The following PCDH9 variants were observed in gnomAD, a reference collection of about 807,000 sequenced individuals.
The protein encoded by PCDH9 is protocadherin 9.
In PCDH9, 24 loss-of-function variants were observed where a neutral mutation model predicts 70.6. The observed-to-expected ratio is 0.34, with a 90% CI of 0.25 to 0.48. The LOEUF (loss-of-function observed/expected upper bound fraction) is 0.48. Among genes scored for constraint, PCDH9 ranks in the 20% least tolerant of loss-of-function variants. PCDH9 has a pLI of 0.99. For synonymous variants in PCDH9, 562 were observed against 558.5 expected, an observed-to-expected ratio of 1.01 and a Z score of -0.09; for missense variants, 1,281 against 1,503.6, an observed-to-expected ratio of 0.85 and a Z score of 2.45.
At chr13:66,734,417 A>T (rs1228145515) in intron 3 of PCDH9, among the ~76,000 whole-genome samples, 1 of 152,166 alleles carries the variant, frequency 6.6e-6, no homozygotes, top group Non-Finnish European at 1.5e-5. Context: ...AATAAACAGT[A>T]ATTGTGAGCT....
intron 4 of PCDH9, among the ~76,000 whole-genome samples, chr13:66,545,341 A>G (rs1961139685): frequency 6.6e-6 from 1 of 152,172 alleles, no homozygotes. Context: ...TTTATTCTCT[A>G]TTAAATAGAT....
chr13:66,892,975 A>G (rs1240950325), intron 3 of PCDH9, among the ~76,000 whole-genome samples: 1 of 152,142 alleles, frequency 6.6e-6, no homozygotes, highest in East Asian at 1.9e-4. Flanking sequence ...TGATTATAAT[A>G]TTAGAAAATC....
At chr13:67,039,089 A>C (rs550285622) in intron 2 of PCDH9, among the ~76,000 whole-genome samples, 1 of 152,332 alleles carries the variant, frequency 6.6e-6, no homozygotes, top group African/African-American at 2.4e-5. Flanking sequence ...GAACTTCTGC[A>C]TTGGCAAATG....
intron 3 of PCDH9, among the ~76,000 whole-genome samples, chr13:66,740,860 A>T (rs2079251974): frequency 7.3e-6 from 1 of 137,486 alleles, no homozygotes; most frequent in Non-Finnish European, 1.6e-5. Context: ...TAGTTTACCA[A>T]CCAAAAAGAG....
At chr13:66,362,414 T>C (rs1428843581) in intron 4 of PCDH9, among the ~76,000 whole-genome samples, 1 of 152,146 alleles carries the variant, frequency 6.6e-6, no homozygotes, top group African/African-American at 2.4e-5. Context: ...ATTCTCAAAG[T>C]CATTTTTATG....
At chr13:67,215,885 A>T (rs2138099016) in intron 2 of PCDH9, 1 of 152,274 alleles carries the variant, frequency 6.6e-6, no homozygotes, top group Admixed American at 6.5e-5. Context: ...TAAGTAAGAC[A>T]CAGTCTCTTA....
intron 2 of PCDH9, among the ~76,000 whole-genome samples, chr13:67,187,757 A>C (rs2088796804): frequency 6.6e-6 from 1 of 152,036 alleles, no homozygotes; most frequent in Admixed American, 6.6e-5. Context: ...GAATTTTTTT[A>C]ATGTTTAATT....
intron 4 of PCDH9, among the ~76,000 whole-genome samples, chr13:66,446,328 A>T (rs1407317791): frequency 2.0e-5 from 3 of 151,826 alleles, no homozygotes; most frequent in South Asian, 2.1e-4. Context: ...AGAAATGTTT[A>T]AAAAAAATGG....
intron 2 of PCDH9, among the ~76,000 whole-genome samples, chr13:66,994,587 T>G (rs1187275330): frequency 6.6e-6 from 1 of 152,206 alleles, no homozygotes; most frequent in Non-Finnish European, 1.5e-5. Flanking sequence ...AATATTATTC[T>G]GTGGTAAAAA....
chr13:67,103,591 AC>A (rs2086475921), intron 2 of PCDH9, among the ~76,000 whole-genome samples: 1 of 152,184 alleles, frequency 6.6e-6, no homozygotes, highest in Admixed American at 6.5e-5. Flanking sequence ...TAAAGCAAAG[AC>A]TTTTTTCTTT....
At position 66,304,808 on chromosome 13, in the gene PCDH9, G is replaced by T; in HGVS notation, c.3561C>A (p.Ser1187Arg). The stretch of plus-strand genomic sequence containing the variant: ...TACGGTCATTGAACTGGTTCCTGTT[G>T]CTGTCTTCTTTCCAGGCTCTGGTCA... ...HTLTRAWKED[S>R]NRNQFNDRKQ... Residue 1187 changes from serine to arginine, a missense_variant, in exon 5 of 5, where the codon AGC becomes AGA. Coordinates refer to ENST00000377865, the MANE Select transcript of PCDH9 (RefSeq NM_203487.3). 6.2e-7 allele frequency: 1 copy of T among 1,613,502 alleles called. No homozygotes were observed.
chr13:66,612,045 GAT>G (rs1566455081), intron 4 of PCDH9, among the ~76,000 whole-genome samples: 1 of 152,110 alleles, frequency 6.6e-6, no homozygotes, highest in Non-Finnish European at 1.5e-5. Flanking sequence ...TATTTGCTGG[GAT>G]ATTTAAACTA....
intron 4 of PCDH9, among the ~76,000 whole-genome samples, chr13:66,414,140 A>T (rs1957423095): frequency 6.6e-6 from 1 of 152,216 alleles, no homozygotes; most frequent in Non-Finnish European, 1.5e-5. Flanking sequence ...TATGTAGTTC[A>T]TTTATTTTCA....
chr13:66,986,507 A>C (rs2083894682), intron 2 of PCDH9, among the ~76,000 whole-genome samples: 1 of 152,066 alleles, frequency 6.6e-6, no homozygotes, highest in African/African-American at 2.4e-5. Flanking sequence ...TATAACTTGA[A>C]GTTACCTTTA....
intron 2 of PCDH9, among the ~76,000 whole-genome samples, chr13:67,048,418 G>A (rs995984354): frequency 2.2e-4 from 34 of 152,272 alleles, no homozygotes; most frequent in African/African-American, 7.5e-4. Context: ...CTAAAGTGAC[G>A]CTGTCAAGAG....
At chr13:66,604,340 A>G (rs895433796) in intron 4 of PCDH9, among the ~76,000 whole-genome samples, 2 of 152,108 alleles carry the variant, frequency 1.3e-5, no homozygotes, top group Non-Finnish European at 2.9e-5. Flanking sequence ...AAAATATTAT[A>G]CATATAATTT....
intron 2 of PCDH9, among the ~76,000 whole-genome samples, chr13:67,061,481 A>G (rs2085539117): frequency 6.6e-6 from 1 of 152,076 alleles, no homozygotes; most frequent in South Asian, 2.1e-4. Flanking sequence ...CATAGAAGCT[A>G]TGGTTTGAAA....
intron 2 of PCDH9, among the ~76,000 whole-genome samples, chr13:66,959,429 T>G (rs142006676): frequency 2.0e-5 from 3 of 152,216 alleles, no homozygotes; most frequent in Non-Finnish European, 4.4e-5. Flanking sequence ...ACTTAATAAT[T>G]GAAATGATCA....
chr13:66,836,500 T>C (rs545754706), intron 3 of PCDH9, among the ~76,000 whole-genome samples: 5 of 152,322 alleles, frequency 3.3e-5, no homozygotes, highest in African/African-American at 1.2e-4. Context: ...TTCCTTTCTT[T>C]GTTGTATCTT....
Sources: gnomAD v4.1 joint callset for allele counts (sites outside exome capture counted in the v4.1 genomes callset) on GRCh38, gnomAD v4.1.1 for gene constraint, MANE v1.5 for transcripts, NCBI Gene and HGNC (gene_info 2026-07-23, HGNC 2026-07-21) for gene names.